Variants in SHLD1 observed in about 807,000 individuals in gnomAD.
SHLD1 encodes RINN1-REV7-interacting novel NHEJ regulator 3.
Under a neutral mutation model 5.5 loss-of-function variants are expected in SHLD1, and 3 were observed. That is an observed-to-expected ratio of 0.54 (90% CI 0.25 to 1.40). The LOEUF (loss-of-function observed/expected upper bound fraction) is 1.40. Among genes scored for constraint, SHLD1 ranks in the 40% most tolerant of loss-of-function variants. The pLI is 0.15. For missense variants in SHLD1, 210 were observed against 244.4 expected (o/e 0.86, Z 0.94); for synonymous variants, 92 against 94.3 (o/e 0.98, Z 0.14).
intron 1 of SHLD1, among the ~76,000 whole-genome samples, chr20:5,761,384 G>A (rs1984456561): frequency 6.6e-6 from 1 of 150,396 alleles, no homozygotes; most frequent in African/African-American, 2.4e-5. Flanking sequence ...TAACAAATAT[G>A]CACCTTCTGC....
chr20:5,787,127 T>C (rs962124869), intron 2 of SHLD1, among the ~76,000 whole-genome samples: 2 of 152,168 alleles, frequency 1.3e-5, no homozygotes, highest in African/African-American at 4.8e-5. Flanking sequence ...CATCAATCAA[T>C]CTGCCTCATG....
chr20:5,765,483 T>G (rs1351669857), intron 1 of SHLD1, among the ~76,000 whole-genome samples: 1 of 150,778 alleles, frequency 6.6e-6, no homozygotes, highest in Non-Finnish European at 1.5e-5. Flanking sequence ...CTTCTGACCT[T>G]GTGATCCACC....
At chr20:5,777,605 T>A (rs998445135) in intron 2 of SHLD1, among the ~76,000 whole-genome samples, 6 of 151,440 alleles carry the variant, frequency 4.0e-5, no homozygotes, top group East Asian at 1.9e-4. Flanking sequence ...AATTTTATTT[T>A]TTTTTTTTGT....
At chr20:5,856,977 ATTTTGTTTTG>A (rs375384449) in intron 2 of SHLD1, among the ~76,000 whole-genome samples, 311 of 152,004 alleles carry the variant, frequency 2.0e-3, no homozygotes, top group African/African-American at 7.3e-3. Context: ...TTTTGTTTCT[ATTTTGTTTTG>A]TTTTGTTTTG....
chr20:5,787,099 A>G (rs922170192), intron 2 of SHLD1, among the ~76,000 whole-genome samples: 2 of 152,222 alleles, frequency 1.3e-5, no homozygotes, highest in Non-Finnish European at 2.9e-5. Context: ...CATTAAATAA[A>G]TTTGTATGCC....
intron 1 of SHLD1, among the ~76,000 whole-genome samples, chr20:5,765,790 T>C (rs887849134): frequency 7.2e-6 from 1 of 139,688 alleles, no homozygotes; most frequent in African/African-American, 2.7e-5. Context: ...TTTTTTTTTT[T>C]TTTTTTAAGT....
chr20:5,852,185 A>G (rs1306270965), intron 2 of SHLD1, among the ~76,000 whole-genome samples: 3 of 152,100 alleles, frequency 2.0e-5, no homozygotes, highest in Non-Finnish European at 4.4e-5. Context: ...AAATTACTCA[A>G]TCTCAGGTAT....
At chr20:5,750,513 T>TGGGGGGGGGGGGGGGGGGGGGGGGGG (rs1983680237) in intron 1 of SHLD1, 34 bp downstream of exon 1, 2 of 23,288 alleles carry the variant, frequency 8.6e-5, no homozygotes, top group African/African-American at 2.1e-4. Context: ...GGGGTTGGAG[T>TGGGGGGGGGGGGGGGGGGGGGGGGGG]GGTGGGGGCG....
At chr20:5,764,689 T>C (rs1040030154) in intron 1 of SHLD1, among the ~76,000 whole-genome samples, 3 of 152,072 alleles carry the variant, frequency 2.0e-5, no homozygotes, top group Non-Finnish European at 4.4e-5. Flanking sequence ...TCAGACCTTT[T>C]ATTAAGATAT....
At chr20:5,858,098 C>CAA (rs11300827) in intron 2 of SHLD1, among the ~76,000 whole-genome samples, 2,522 of 111,440 alleles carry the variant, frequency 0.023, 45 homozygotes, top group Middle Eastern at 0.047. Flanking sequence ...GACTCCATCT[C>CAA]AAAAAAAAAA....
rs2087841190 is a variant in SHLD1 at position 5,840,201 on chromosome 20, C to T, written c.179-22823C>T. ...TTCTTGAGTTTGAATCCTGGCTCTGCCACTTAACTAGCTAGCTGCATGCCT... is the reference window on the plus strand; with the variant it reads ...TTCTTGAGTTTGAATCCTGGCTCTGTCACTTAACTAGCTAGCTGCATGCCT... On this transcript the variant is annotated intron_variant, in intron 2 of 2. Transcript: ENST00000303142. Among the ~76,000 whole-genome samples, 3 of 152,140 alleles carry T rather than the reference C, an allele frequency of 2.0e-5. No homozygotes were observed. The South Asian group carries it at 6.2e-4, about 32-fold the overall frequency.
intron 2 of SHLD1, among the ~76,000 whole-genome samples, chr20:5,774,961 T>C (rs1039096642): frequency 2.0e-5 from 3 of 152,222 alleles, no homozygotes; most frequent in African/African-American, 7.2e-5. Flanking sequence ...CTAAAACTGA[T>C]TTTGTTCATC....
chr20:5,782,835 A>T (rs2087004927), intron 2 of SHLD1, among the ~76,000 whole-genome samples: 1 of 152,234 alleles, frequency 6.6e-6, no homozygotes, highest in African/African-American at 2.4e-5. Flanking sequence ...AAAAGGAATG[A>T]ATTATAAGCT....
chr20:5,807,489 G>C (rs1402499488), intron 2 of SHLD1, among the ~76,000 whole-genome samples: 1 of 151,940 alleles, frequency 6.6e-6, no homozygotes, highest in Non-Finnish European at 1.5e-5. Flanking sequence ...TCCTGCCTCA[G>C]TCTCCTGTGT....
chr20:5,799,189 C>T (rs1355672239), intron 2 of SHLD1, among the ~76,000 whole-genome samples: 5 of 149,716 alleles, frequency 3.3e-5, no homozygotes, highest in South Asian at 2.1e-4. Flanking sequence ...GATGACTGAG[C>T]GAGACTCTGT....
At chr20:5,752,991 G>A (rs935216168) in intron 1 of SHLD1, among the ~76,000 whole-genome samples, 2 of 152,062 alleles carry the variant, frequency 1.3e-5, no homozygotes, top group Admixed American at 6.6e-5. Flanking sequence ...AGATGGGGGG[G>A]TTTCACCATG....
intron 2 of SHLD1, among the ~76,000 whole-genome samples, chr20:5,774,518 G>A (rs1272680835): frequency 6.6e-6 from 1 of 152,184 alleles, no homozygotes; most frequent in Non-Finnish European, 1.5e-5. Flanking sequence ...ATAGAGAAAA[G>A]AGGTTTAATT....
intron 2 of SHLD1, among the ~76,000 whole-genome samples, chr20:5,830,036 A>G (rs1276948107): frequency 2.0e-5 from 3 of 152,220 alleles, no homozygotes; most frequent in Non-Finnish European, 2.9e-5. Flanking sequence ...AGGCAAAAGC[A>G]GAACTGGGCC....
chr20:5,829,660 G>A (rs898098780), intron 2 of SHLD1, among the ~76,000 whole-genome samples: 2 of 152,182 alleles, frequency 1.3e-5, no homozygotes, highest in Non-Finnish European at 1.5e-5. Flanking sequence ...CTAAATTTAA[G>A]TTTGGGGGTT....
Sources: allele counts gnomAD v4.1 joint callset (sites outside exome capture counted in the v4.1 genomes callset), GRCh38; gene constraint gnomAD v4.1.1; transcripts MANE v1.5; gene names NCBI Gene and HGNC (gene_info 2026-07-23, HGNC 2026-07-21).